ASPA: variants seen among roughly 807,000 people sequenced by gnomAD.
The protein encoded by ASPA is ACY-2.
A neutral mutation model predicts 29.6 loss-of-function variants in ASPA; 25 were observed. The observed-to-expected ratio is 0.85, with a 90% CI of 0.62 to 1.18. The LOEUF (loss-of-function observed/expected upper bound fraction) is 1.18, where lower values mean the gene tolerates loss of function less well. Ranked by LOEUF, ASPA falls within the 50% of genes most tolerant of loss-of-function variation. The probability of loss-of-function intolerance (pLI) is 0.00; values close to 1 mark genes in which losing one functional copy is unlikely to be tolerated. For synonymous variants in ASPA, 131 were observed against 130.3 expected (o/e 1.01, Z -0.04); for missense variants, 333 against 385.7 (o/e 0.86, Z 1.14).
At chr17:3,484,524 G>T (rs1048197021) in intron 3 of ASPA, among the ~76,000 whole-genome samples, 8 of 152,134 alleles carry the variant, frequency 5.3e-5, no homozygotes, top group African/African-American at 1.9e-4. Flanking sequence ...ATGTGTTTGG[G>T]GGAGGAAAGG....
chr17:3,492,165 T>G (rs1384881408), intron 4 of ASPA, among the ~76,000 whole-genome samples: 1 of 152,214 alleles, frequency 6.6e-6, no homozygotes, highest in East Asian at 1.9e-4. Context: ...GCCTGCGCCA[T>G]TGCGCCTGGC....
Position 3,500,993 on chromosome 17 carries a change from T to C in ASPA, c.*1905T>C, listed in dbSNP as rs1198360914. The C allele has an allele frequency of 6.6e-6, 1 of 151,998 alleles. No homozygotes were observed. Among genetic ancestry groups the C allele is most frequent in the African/African-American group, 2.4e-5 (1 of 41,352 alleles). 9.4% of individuals were successfully genotyped at this position (151,998 alleles called of 1,614,324 possible). On this transcript the variant is annotated 3_prime_UTR_variant, in exon 6 of 6. Transcript: ENST00000263080. ...TCAAAATACTACTGCTGATTGACAA[T>C]ACACCATGTTACCCAAGAGCTCTGC...
rs183340425 is a variant in ASPA at position 3,488,076 on chromosome 17, G to A, written c.527-1159G>A. On this transcript the variant is annotated intron_variant, in intron 3 of 5. Transcript: ENST00000263080. The surrounding 1 kb of genome is among the most constrained non-coding windows in gnomAD (Gnocchi z 6.1). ...TTGTGTATTGGGAAATAACAGAAGCGGGTGAAAACAAGATGAGTGTAAAAG... is the reference window on the plus strand; with the variant it reads ...TTGTGTATTGGGAAATAACAGAAGCAGGTGAAAACAAGATGAGTGTAAAAG... Among the ~76,000 whole-genome samples the A allele has an allele frequency of 2.6e-5, 4 of 152,220 alleles. No homozygotes were observed. In the East Asian group the frequency reaches 5.8e-4, roughly 22 times the overall value.
chr17:3,494,413 G>A lies in ASPA; in HGVS notation c.698G>A (p.Arg233Gln), dbSNP rs776560292. Residue 233 changes from arginine to glutamine, a missense_variant, in exon 5 of 6, where the codon CGG becomes CAG. Coordinates refer to ENST00000263080, the MANE Select transcript of ASPA (RefSeq NM_000049.4). ...YKIIEKVDYPRDENGEIAAII... is the reference protein window; with the variant it reads ...YKIIEKVDYPQDENGEIAAII... The stretch of plus-strand genomic sequence containing the variant: ...ATTATAGAGAAAGTTGATTACCCCC[G>A]GGATGAAAATGGAGAAATTGCTGCT... 33 of 1,612,848 alleles carry A rather than the reference G, an allele frequency of 2.0e-5. No homozygotes were observed. The highest frequency in any genetic ancestry group is 1.8e-4 in the East Asian group (8 of 44,896).
At position 3,490,270 on chromosome 17, in the gene ASPA, G is replaced by T. The variant is rs551886769; in HGVS notation, c.634+928G>T. Among the ~76,000 whole-genome samples the T allele has an allele frequency of 4.9e-4, 75 of 152,264 alleles. No individual in the cohort carries two copies. Among genetic ancestry groups the T allele is most frequent in the Middle Eastern group, 3.4e-3 (1 of 292 alleles). ...TGTAATTAAAAATTAATTAAACGGG[G>T]ACTGGTGGACAAGGTGGGTATATGC... On this transcript the variant is annotated intron_variant, in intron 4 of 5. Coordinates refer to ENST00000263080, the MANE Select transcript of ASPA (RefSeq NM_000049.4). The surrounding 1 kb of genome is among the most constrained non-coding windows in gnomAD (Gnocchi z 4.6).
rs1225413592 is a variant in ASPA, at chr17:3,488,048, A to AT, written c.527-1183dup. ...AAATGATGCAAGAGAATAAGATAAG[A>AT]TTTTGTGTATTGGGAAATAACAGAA... On this transcript the variant is annotated intron_variant, in intron 3 of 5. Transcript: ENST00000263080. This position sits in a 1 kb window ranked among gnomAD's most constrained non-coding sequence, Gnocchi z 6.1. Among the ~76,000 whole-genome samples the AT allele has an allele frequency of 6.6e-6, 1 of 152,214 alleles. No individual in the cohort carries two copies. Among genetic ancestry groups the AT allele is most frequent in the Non-Finnish European group, 1.5e-5 (1 of 68,040 alleles).
intron 4 of ASPA, among the ~76,000 whole-genome samples, chr17:3,491,965 G>A (rs1052420633): frequency 5.6e-5 from 8 of 142,124 alleles, no homozygotes; most frequent in African/African-American, 2.1e-4. Context: ...GGAGCCTCAA[G>A]TTCCTGGGCT....
Position 3,499,123 on chromosome 17 carries a change from T to A in ASPA, c.*35T>A. 6.3e-7 allele frequency: 1 copy of A among 1,598,524 alleles called. No homozygotes were observed. Among genetic ancestry groups the A allele is most frequent in the Non-Finnish European group, 8.5e-7 (1 of 1,170,730 alleles). ...CCAGCTTACATCTTACACGGTGTCT[T>A]ACAAATTCTGCTAGTCTGTAAGCTC... On this transcript the variant is annotated 3_prime_UTR_variant, in exon 6 of 6. Transcript: ENST00000263080.
At chr17:3,492,712 G>T (rs2073845348) in intron 4 of ASPA, among the ~76,000 whole-genome samples, 1 of 152,152 alleles carries the variant, frequency 6.6e-6, no homozygotes, top group African/African-American at 2.4e-5. Flanking sequence ...CTTTGAGGTG[G>T]AAAACTCAGG....
At chr17:3,496,076 C>T (rs1460288650) in intron 5 of ASPA, among the ~76,000 whole-genome samples, 1 of 152,106 alleles carries the variant, frequency 6.6e-6, no homozygotes, top group African/African-American at 2.4e-5. Flanking sequence ...AGATCAGTAG[C>T]AAACTGGGCT....
In ASPA at chr17:3,499,117, G is replaced by C. The variant is rs762221059; in HGVS notation, c.*29G>C. 8 of 1,603,178 alleles carry C rather than the reference G, an allele frequency of 5.0e-6. No homozygotes were observed. The South Asian group carries it at 8.9e-5, about 18-fold the overall frequency. Reference sequence around the variant, plus strand: ...TCACTTCCAGCTTACATCTTACACGGTGTCTTACAAATTCTGCTAGTCTGT... The same window carrying C: ...TCACTTCCAGCTTACATCTTACACGCTGTCTTACAAATTCTGCTAGTCTGT... On this transcript the variant is annotated 3_prime_UTR_variant, in exon 6 of 6. Coordinates refer to ENST00000263080, the MANE Select transcript of ASPA (RefSeq NM_000049.4).
chr17:3,485,485 C>G lies in ASPA; in HGVS notation c.526+1893C>G, dbSNP rs192990077. Reference sequence around the variant, plus strand: ...CCGAGATCATGCCATTGCACTCCAGCCGGGGCAACAAAAGTGAAACTCCGT... The same window carrying G: ...CCGAGATCATGCCATTGCACTCCAGGCGGGGCAACAAAAGTGAAACTCCGT... On this transcript the variant is annotated intron_variant, in intron 3 of 5. Coordinates refer to ENST00000263080, the MANE Select transcript of ASPA (RefSeq NM_000049.4). The surrounding 1 kb of genome is among the most constrained non-coding windows in gnomAD (Gnocchi z 4.4). Among the ~76,000 whole-genome samples the G allele has an allele frequency of 9.2e-5, 14 of 152,276 alleles. No homozygotes were observed. Among genetic ancestry groups the G allele is most frequent in the Admixed American group, 7.8e-4 (12 of 15,302 alleles).
At chr17:3,481,413 A>T (rs1211303282) in intron 1 of ASPA, among the ~76,000 whole-genome samples, 190 bp from the exon 2 acceptor site, 1 of 152,244 alleles carries the variant, frequency 6.6e-6, no homozygotes, top group Non-Finnish European at 1.5e-5. Flanking sequence ...AACATTAGTT[A>T]TATGGAATCA....
intron 4 of ASPA, among the ~76,000 whole-genome samples, chr17:3,491,341 C>T (rs2073820568): frequency 1.3e-5 from 2 of 152,022 alleles, no homozygotes; most frequent in Admixed American, 1.3e-4. Flanking sequence ...GAATAAACAA[C>T]ACTTGAGAAC....
At chr17:3,487,073 C>CGTGTGTGTGTGT (rs59690349) in intron 3 of ASPA, among the ~76,000 whole-genome samples, 23 of 150,770 alleles carry the variant, frequency 1.5e-4, no homozygotes, top group East Asian at 9.7e-4. Context: ...TGTGTGTGTG[C>CGTGTGTGTGTGT]GTGTGTGTGT....
intron 5 of ASPA, among the ~76,000 whole-genome samples, chr17:3,497,360 G>A (rs1424039884): frequency 6.6e-6 from 1 of 152,142 alleles, no homozygotes; most frequent in Non-Finnish European, 1.5e-5. Context: ...AATAAACACA[G>A]AAAACAGTGA....
rs73311015 is a variant in ASPA at position 3,490,011 on chromosome 17, T to C, written c.634+669T>C. 0.021 allele frequency among the ~76,000 whole-genome samples: 3,268 copies of C among 152,292 alleles called. 130 individuals are homozygous for C. The highest frequency in any genetic ancestry group is 0.073 in the African/African-American group (3,036 of 41,550). On this transcript the variant is annotated intron_variant, in intron 4 of 5. Coordinates refer to ENST00000263080, the MANE Select transcript of ASPA (RefSeq NM_000049.4). The surrounding 1 kb of genome is among the most constrained non-coding windows in gnomAD (Gnocchi z 4.6). ...TGGAAGAATCTTCAAAACACAATGG[T>C]AATTAGCAGAAAGCAAGTTGCAGAC...
At position 3,489,114 on chromosome 17, in the gene ASPA, A is replaced by C. The variant is rs2073776473; in HGVS notation, c.527-121A>C. On this transcript the variant is annotated intron_variant, in intron 3 of 5. Coordinates refer to ENST00000263080, the MANE Select transcript of ASPA (RefSeq NM_000049.4). Reference sequence around the variant, plus strand: ...TCTCAAATATTTTCCATGATGCTACATGGTTTACCTTTTTAATAATTTTAA... The same window carrying C: ...TCTCAAATATTTTCCATGATGCTACCTGGTTTACCTTTTTAATAATTTTAA... 4.3e-6 allele frequency: 3 copies of C among 690,702 alleles called. No individual in the cohort carries two copies. In the East Asian group the frequency reaches 8.4e-5, roughly 19 times the overall value. 42.8% of individuals were successfully genotyped at this position (690,702 alleles called of 1,614,324 possible).
In ASPA at chr17:3,476,199, G is replaced by A. The variant is rs1359412629; in HGVS notation, c.40G>A (p.Val14Ile). 1 of 1,614,042 alleles carries A rather than the reference G, an allele frequency of 6.2e-7. No homozygotes were observed. Among genetic ancestry groups the A allele is most frequent in the Non-Finnish European group, 8.5e-7 (1 of 1,180,016 alleles). ...CATTGCTGAAGAACATATACAAAAG[G>A]TTGCTATCTTTGGAGGAACCCATGG... Reference protein sequence around the residue: ...CHIAEEHIQKVAIFGGTHGNE... With the variant: ...CHIAEEHIQKIAIFGGTHGNE... The change falls in exon 1 of 6, where the codon GTT becomes ATT. Residue 14 changes from valine (V) to isoleucine (I), a missense_variant. Coordinates refer to ENST00000263080, the MANE Select transcript of ASPA (RefSeq NM_000049.4).
Sources: gnomAD v4.1 joint callset for allele counts (sites outside exome capture counted in the v4.1 genomes callset) on GRCh38, gnomAD v4.1.1 for gene constraint, Gnocchi (gnomAD v3.1) non-coding constraint, MANE v1.5 for transcripts, NCBI Gene and HGNC (gene_info 2026-07-23, HGNC 2026-07-21) for gene names.